TARDBP: variants seen among roughly 807,000 people sequenced by gnomAD.
TARDBP encodes the protein TAR DNA-binding protein 43.
A neutral mutation model predicts 38.3 loss-of-function variants in TARDBP; 4 were observed. The observed-to-expected ratio is 0.10, with a 90% CI of 0.05 to 0.24. TARDBP has a LOEUF of 0.24. Among genes scored for constraint, TARDBP ranks in the 10% least tolerant of loss-of-function variants. The pLI is 1.00. For missense variants in TARDBP, 202 were observed against 521.9 expected, an observed-to-expected ratio of 0.39 and a Z score of 5.97; for synonymous variants, 184 against 183.8, an observed-to-expected ratio of 1.00 and a Z score of -0.01.
downstream of TARDBP, chr1:11,025,634 T>A (rs1412351279): frequency 6.6e-6 from 1 of 152,206 alleles, no homozygotes; most frequent in Non-Finnish European, 1.5e-5. Context: ...TTGTACTTCA[T>A]ATGCACAAGA....
At chr1:11,027,673 A>G (rs753815219), downstream of TARDBP, 15 of 1,552,844 alleles carry the variant, frequency 9.7e-6, no homozygotes, top group Non-Finnish European at 1.3e-5. Flanking sequence ...AGATAGGTAG[A>G]GAGCCTTTGT....
chr1:11,013,026 C>G (rs890598501), intron 1 of TARDBP, among the ~76,000 whole-genome samples: 1 of 152,206 alleles, frequency 6.6e-6, no homozygotes, highest in African/African-American at 2.4e-5. Context: ...CTTTGTACTT[C>G]GAGGGACGCT....
downstream of TARDBP, chr1:11,027,227 C>G (rs145092859): frequency 6.1e-5 from 98 of 1,614,188 alleles, no homozygotes; most frequent in African/African-American, 1.1e-3. Flanking sequence ...GGGTTAATCC[C>G]CATCCAGATG....
chr1:11,013,867 T>C lies in TARDBP; in HGVS notation c.140T>C (p.Val47Ala), dbSNP rs1643464134. Residue 47 changes from valine (V) to alanine (A), a missense_variant, in exon 2 of 6, where the codon GTG becomes GCG. Coordinates refer to ENST00000240185, the MANE Select transcript of TARDBP (RefSeq NM_007375.4). ...TGTGGGCTTCGCTACAGGAATCCAG[T>C]GTCTCAGTGTATGAGAGGTGTCCGG... ...GACGLRYRNP[V>A]SQCMRGVRLV... is the part of the protein sequence containing the mutation. 1 of 1,614,172 alleles carries C rather than the reference T, an allele frequency of 6.2e-7. No homozygotes were observed. Among genetic ancestry groups the C allele is most frequent in the Non-Finnish European group, 8.5e-7 (1 of 1,179,992 alleles).
At chr1:11,018,912 C>G (rs773254422) in intron 4 of TARDBP, 39 bp downstream of exon 4, 1 of 1,613,690 alleles carries the variant, frequency 6.2e-7, no homozygotes, top group South Asian at 1.1e-5. Flanking sequence ...TGCCAACAAA[C>G]TTCCTTAGAG....
intron 1 of TARDBP, among the ~76,000 whole-genome samples, chr1:11,013,001 C>T (rs1054374035): frequency 2.6e-5 from 4 of 152,240 alleles, no homozygotes. Context: ...CCGGACAGTG[C>T]CGGAGCCTTC....
At chr1:11,025,983 T>C (rs962041727), downstream of TARDBP, 1 of 154,876 alleles carries the variant, frequency 6.5e-6, no homozygotes, top group Non-Finnish European at 1.5e-5. Context: ...AAGTATTTCA[T>C]GTTCATTGTA....
chr1:11,028,466 AC>A (rs1643777142), downstream of TARDBP, among the ~76,000 whole-genome samples: 2 of 152,130 alleles, frequency 1.3e-5, no homozygotes, highest in African/African-American at 4.8e-5. Flanking sequence ...TGTGGCTAGG[AC>A]CCTGTGGATT....
chr1:11,014,049 G>C, intron 2 of TARDBP, 84 bp downstream of exon 2: 1 of 1,353,514 alleles, frequency 7.4e-7, no homozygotes, highest in East Asian at 2.3e-5. Flanking sequence ...TCTTTTGGTG[G>C]CAGAATGTCT....
chr1:11,021,050 C>T (rs1643627326), intron 5 of TARDBP, among the ~76,000 whole-genome samples: 2 of 152,058 alleles, frequency 1.3e-5, no homozygotes, highest in African/African-American at 4.8e-5. Flanking sequence ...ATACCTGTAT[C>T]TGATATCACA....
intron 3 of TARDBP, among the ~76,000 whole-genome samples, chr1:11,017,859 C>T (rs990940843): frequency 3.3e-5 from 5 of 151,044 alleles, no homozygotes; most frequent in Non-Finnish European, 5.9e-5. Flanking sequence ...GCCACCTTGG[C>T]GAACATATCC....
chr1:11,022,326 A>T lies in TARDBP; in HGVS notation c.917A>T (p.Asn306Ile). Residue 306 changes from asparagine (N) to isoleucine (I), a missense_variant, in exon 6 of 6, where the codon AAT becomes ATT. By Grantham distance (149) the Asn-to-Ile change is moderately radical. Transcript: ENST00000240185. This position sits in a 1 kb window ranked among gnomAD's most constrained non-coding sequence, Gnocchi z 4.5. ...GAGLGNNQGS[N>I]MGGGMNFGAF... is the part of the protein sequence containing the mutation. ...GGTTTGGGAAACAATCAAGGTAGTAATATGGGTGGTGGGATGAACTTTGGT... is the reference window on the plus strand; with the variant it reads ...GGTTTGGGAAACAATCAAGGTAGTATTATGGGTGGTGGGATGAACTTTGGT... 6.2e-7 allele frequency: 1 copy of T among 1,613,966 alleles called. No homozygotes were observed. The highest frequency in any genetic ancestry group is 8.5e-7 in the Non-Finnish European group (1 of 1,179,866).
rs72870030 is a variant in TARDBP, at chr1:11,013,751, C to T, written c.24C>T (p.Thr8=). The change falls in exon 2 of 6, where the codon ACC becomes ACT. Residue 8 remains threonine (T), a synonymous_variant. Coordinates refer to ENST00000240185, the MANE Select transcript of TARDBP (RefSeq NM_007375.4). MSEYIRV[T]EDENDEPIEI... is the part of the protein sequence containing the mutation. ...AGATGTCTGAATATATTCGGGTAAC[C>T]GAAGATGAGAACGATGAGCCCATTG... 312 of 1,611,146 alleles carry T rather than the reference C, an allele frequency of 1.9e-4. No individual in the cohort carries two copies. The African/African-American group carries it at 3.5e-3, about 18-fold the overall frequency.
Position 11,022,369 on chromosome 1 carries a change from A to G in TARDBP, c.960A>G (p.Pro320=). The change falls in exon 6 of 6, where the codon CCA becomes CCG. Residue 320 remains proline, a synonymous_variant. Transcript: ENST00000240185. This position sits in a 1 kb window ranked among gnomAD's most constrained non-coding sequence, Gnocchi z 4.5. ...GMNFGAFSIN[P]AMMAAAQAAL... Reference sequence around the variant, plus strand: ...ACTTTGGTGCGTTCAGCATTAATCCAGCCATGATGGCTGCCGCCCAGGCAG... The same window carrying G: ...ACTTTGGTGCGTTCAGCATTAATCCGGCCATGATGGCTGCCGCCCAGGCAG... 6.2e-7 allele frequency: 1 copy of G among 1,613,982 alleles called. No homozygotes were observed. Among genetic ancestry groups the G allele is most frequent in the Non-Finnish European group, 8.5e-7 (1 of 1,179,876 alleles).
intron 4 of TARDBP, chr1:11,019,172 CAT>C (rs1387142289): frequency 2.5e-6 from 1 of 405,474 alleles, no homozygotes; most frequent in Non-Finnish European, 4.6e-6. Flanking sequence ...TATGTTAAAA[CAT>C]AAAGAGAATC....
intron 5 of TARDBP, 36 bp downstream of exon 5, chr1:11,020,635 G>T (rs200953963): frequency 2.0e-5 from 32 of 1,594,582 alleles, no homozygotes; most frequent in Admixed American, 8.7e-5. Context: ...CCGGCCGGGC[G>T]TGGTGGCTCA....
intron 4 of TARDBP, among the ~76,000 whole-genome samples, chr1:11,019,784 T>G (rs1050673438): frequency 6.6e-6 from 1 of 152,052 alleles, no homozygotes; most frequent in Non-Finnish European, 1.5e-5. Flanking sequence ...GCCAGGATGG[T>G]CTTGATCTCC....
Position 11,022,641 on chromosome 1 carries a change from G to A in TARDBP, c.1232G>A (p.Gly411Asp). ...FGSSMDSKSS[G>D]WGM ...TCAAGCATGGATTCTAAGTCTTCTG[G>A]CTGGGGAATGTAGACAGTGGGGTTG... Residue 411 changes from glycine (G) to aspartate (D), a missense_variant, in exon 6 of 6, where the codon GGC becomes GAC. Around this residue, in one of 5 missense-constraint regions of TARDBP, gnomAD observed 107 missense variants for 190.5 expected, o/e 0.56. Coordinates refer to ENST00000240185, the MANE Select transcript of TARDBP (RefSeq NM_007375.4). The surrounding 1 kb of genome is among the most constrained non-coding windows in gnomAD (Gnocchi z 4.5). 1 of 1,608,318 alleles carries A rather than the reference G, an allele frequency of 6.2e-7. No individual in the cohort carries two copies. Among genetic ancestry groups the A allele is most frequent in the South Asian group, 1.1e-5 (1 of 90,318 alleles).
At chr1:11,021,405 T>C (rs1219959678) in intron 5 of TARDBP, among the ~76,000 whole-genome samples, 2 of 151,500 alleles carry the variant, frequency 1.3e-5, no homozygotes, top group African/African-American at 4.9e-5. Flanking sequence ...CCTCCCAAAG[T>C]GCTGGGATTA....
Sources: allele counts gnomAD v4.1 joint callset (sites outside exome capture counted in the v4.1 genomes callset), GRCh38; gene constraint gnomAD v4.1.1; regional missense constraint gnomAD v4.1.1; non-coding constraint Gnocchi (gnomAD v3.1); transcripts MANE v1.5; gene names NCBI Gene and HGNC (gene_info 2026-07-23, HGNC 2026-07-21).